MAMDC4: variants seen among roughly 807,000 people sequenced by gnomAD.
The protein encoded by MAMDC4 is MAM domain containing 4.
MAMDC4 carries 168 observed loss-of-function variants against 153.3 expected under a neutral mutation model. The observed-to-expected ratio is 1.10, with a 90% CI of 0.97 to 1.25. The LOEUF is 1.25. Ranked by LOEUF, MAMDC4 falls within the 50% of genes most tolerant of loss-of-function variation. The pLI is 0.00. For synonymous variants in MAMDC4, 744 were observed against 651.5 expected (o/e 1.14, Z -2.16); for missense variants, 1,701 against 1,542.8 (o/e 1.10, Z -1.72).
In MAMDC4 at chr9:136,855,883, C is replaced by T. The variant is rs889454656; in HGVS notation, c.1588+35C>T. 2.6e-5 allele frequency: 38 copies of T among 1,475,682 alleles called. 2 individuals carry two copies. In the African/African-American group the frequency reaches 3.1e-4, roughly 12 times the overall value. 91.4% of individuals were successfully genotyped at this position (1,475,682 alleles called of 1,614,324 possible). On this transcript the variant is annotated intron_variant, in intron 13 of 26. Transcript: ENST00000317446. ...AAGGCCCAAGGCTCAAGCCCCCGCC[C>T]GGGTGTGAGCAGCGTCCTCAGAGGG...
At position 136,855,801 on chromosome 9, in the gene MAMDC4, G is replaced by C; in HGVS notation, c.1541G>C (p.Arg514Pro). Residue 514 changes from arginine to proline, a missense_variant, in exon 13 of 27, where the codon CGG becomes CCG. Physicochemically the swap from Arg to Pro is moderately radical, Grantham distance 103. Coordinates refer to ENST00000317446, the MANE Select transcript of MAMDC4 (RefSeq NM_206920.3). ...GCCAGCGTGGGGCGGCTGCAGTGGC[G>C]GCGTGTCTCAGCCCAGGAGAGCCAG... is the stretch of plus-strand genomic sequence containing the variant. ...EDASVGRLQWRRVSAQESQGS... is the reference protein window; with the variant it reads ...EDASVGRLQWPRVSAQESQGS... The C allele has an allele frequency of 2.6e-6, 4 of 1,545,392 alleles. No homozygotes were observed. The South Asian group carries it at 4.8e-5, about 19-fold the overall frequency.
At chr9:136,854,498 G>A (rs1238499977) in intron 7 of MAMDC4, 41 bp from the exon 8 acceptor site, 2 of 1,576,530 alleles carry the variant, frequency 1.3e-6, no homozygotes, top group South Asian at 1.1e-5. Context: ...GCTTCAGGAA[G>A]CACTGCCTGG....
At chr9:136,858,325 C>G (rs750035225) in intron 21 of MAMDC4, 49 bp downstream of exon 21, 2 of 1,600,282 alleles carry the variant, frequency 1.2e-6, no homozygotes, top group South Asian at 2.2e-5. Context: ...GCCTGCCTAG[C>G]CCTTTCCCTT....
At position 136,858,327 on chromosome 9, in the gene MAMDC4, C is replaced by T. The variant is rs755693423; in HGVS notation, c.2674+51C>T. 8 of 1,600,242 alleles carry T rather than the reference C, an allele frequency of 5.0e-6. No individual in the cohort carries two copies. In the African/African-American group the frequency reaches 8.0e-5, roughly 16 times the overall value. ...CCTGCTCTGGGGTGCCTGCCTAGCC[C>T]TTTCCCTTCGTAGTCGTGGTGCCCA... On this transcript the variant is annotated intron_variant, in intron 21 of 26. Transcript: ENST00000317446.
chr9:136,859,128 T>C lies in MAMDC4; in HGVS notation c.3080T>C (p.Phe1027Ser). The change falls in exon 24 of 27, where the codon TTC becomes TCC. Residue 1027 changes from phenylalanine (F) to serine (S), a missense_variant. Physicochemically the swap from Phe to Ser is radical, Grantham distance 155. Coordinates refer to ENST00000317446, the MANE Select transcript of MAMDC4 (RefSeq NM_206920.3). ...GTGGAGGTAGCCAGTGCCAAGGAGT[T>C]CCAGGTGAGGCTGGCTGTGGGCAAG... is the stretch of plus-strand genomic sequence containing the variant. The part of the protein sequence containing the change: ...AQVEVASAKE[F>S]QIVFEATLGG... 6.4e-7 allele frequency: 1 copy of C among 1,567,820 alleles called. No homozygotes were observed. Among genetic ancestry groups the C allele is most frequent in the Non-Finnish European group, 8.7e-7 (1 of 1,155,934 alleles).
At chr9:136,858,929 C>T in intron 23 of MAMDC4, 76 bp downstream of exon 23, 1 of 1,533,586 alleles carries the variant, frequency 6.5e-7, no homozygotes, top group Non-Finnish European at 8.8e-7. Flanking sequence ...GGGAGGTGGC[C>T]TCCCCAGCCC....
chr9:136,853,363 T>G lies in MAMDC4; in HGVS notation c.233T>G (p.Ile78Ser). Residue 78 changes from isoleucine to serine, a missense_variant, in exon 3 of 27, where the codon ATT becomes AGT. Ile to Ser is a moderately radical substitution (Grantham distance 142). Coordinates refer to ENST00000317446, the MANE Select transcript of MAMDC4 (RefSeq NM_206920.3). The part of the protein sequence containing the change: ...FEQDPCGWRD[I>S]STSGYSWLRD... The stretch of plus-strand genomic sequence containing the variant: ...CAGGACCCCTGCGGCTGGCGGGACA[T>G]TAGTACCTCAGGCTACAGCTGGCTC... The G allele has an allele frequency of 8.7e-6, 14 of 1,607,176 alleles. No individual in the cohort carries two copies. Among genetic ancestry groups the G allele is most frequent in the Non-Finnish European group, 1.2e-5 (14 of 1,175,730 alleles).
intron 26 of MAMDC4, 58 bp from the exon 27 acceptor site, chr9:136,860,502 CAA>C: frequency 1.9e-6 from 3 of 1,549,540 alleles, no homozygotes; most frequent in Non-Finnish European, 2.6e-6. Context: ...TCCTGGTTGA[CAA>C]GAGCGAAACT....
At chr9:136,857,625 C>T (rs1849025852) in intron 18 of MAMDC4, 34 bp from the exon 19 acceptor site, 3 of 1,611,906 alleles carry the variant, frequency 1.9e-6, no homozygotes, top group Non-Finnish European at 2.5e-6. Flanking sequence ...GAGGGGCTGG[C>T]CAGGGGCTGG....
Position 136,854,214 on chromosome 9 carries a change from C to T in MAMDC4, c.674C>T (p.Pro225Leu), listed in dbSNP as rs565967283. 6.8e-6 allele frequency: 11 copies of T among 1,612,246 alleles called. No individual in the cohort carries two copies. Among genetic ancestry groups the T allele is most frequent in the East Asian group, 6.7e-5 (3 of 44,866 alleles). Reference protein sequence around the residue: ...LEFWDCGLPTPQANCPPGHHH... With the variant: ...LEFWDCGLPTLQANCPPGHHH... ...GGGTTAACCCTGCCCCACCCAGCCC[C>T]CCAGGCCAACTGTCCCCCGGGACAC... Residue 225 changes from proline (P) to leucine (L), a missense_variant, in exon 7 of 27, where the codon CCC becomes CTC. Pro to Leu is a moderately conservative substitution (Grantham distance 98, BLOSUM62 -3). Coordinates refer to ENST00000317446, the MANE Select transcript of MAMDC4 (RefSeq NM_206920.3).
chr9:136,856,637 G>A (rs1036352681), intron 14 of MAMDC4, 73 bp from the exon 15 acceptor site: 11 of 1,463,502 alleles, frequency 7.5e-6, no homozygotes, highest in Admixed American at 3.4e-5. Context: ...CAGGGACCCC[G>A]GAGCTTCCAC....
In MAMDC4 at chr9:136,857,387, G is replaced by A. The variant is rs748131697; in HGVS notation, c.2127G>A (p.Arg709=). The change falls in exon 18 of 27, where the codon CGG becomes CGA. Residue 709 remains arginine (R), a synonymous_variant. Coordinates refer to ENST00000317446, the MANE Select transcript of MAMDC4 (RefSeq NM_206920.3). ...CCCAGCTGCTGTTCGAGGGCCTCCG[G>A]GACGGATACCACGGCACCATGGCGC... The part of the protein sequence containing the change: ...AQYQLLFEGL[R]DGYHGTMALD... The A allele has an allele frequency of 1.9e-6, 3 of 1,608,160 alleles. No individual in the cohort carries two copies. Among genetic ancestry groups the A allele is most frequent in the Admixed American group, 3.3e-5 (2 of 60,002 alleles).
rs755279211 is a variant in MAMDC4, at chr9:136,857,428, T to TGCGGCCGG, written c.2171_2178dup (p.Pro727GlyfsTer73). 6.2e-7 allele frequency: 1 copy of TGCGGCCGG among 1,608,248 alleles called. No homozygotes were observed. The highest frequency in any genetic ancestry group is 8.5e-7 in the Non-Finnish European group (1 of 1,179,902). Reference sequence around the variant, plus strand: ...ACCATGGCGCTGGACGATGTGGCCGTGCGGCCGGGCCCCTGCTGGGCCCCT... The same window carrying TGCGGCCGG: ...ACCATGGCGCTGGACGATGTGGCCGTGCGGCCGGGCGGCCGGGCCCCTGCTGGGCCCCT... On this transcript the variant is annotated frameshift_variant, in exon 18 of 27. Coordinates refer to ENST00000317446, the MANE Select transcript of MAMDC4 (RefSeq NM_206920.3). LOFTEE classifies it high-confidence loss of function.
chr9:136,858,363 C>T (rs368319727), intron 21 of MAMDC4, 37 bp from the exon 22 acceptor site: 36 of 1,600,248 alleles, frequency 2.2e-5, no homozygotes, highest in African/African-American at 4.0e-5. Flanking sequence ...GGGCTTGGGC[C>T]GTGGGGCAGC....
At chr9:136,858,881 TGGGCAACGG>T in intron 23 of MAMDC4, 28 bp downstream of exon 23, 1 of 1,592,874 alleles carries the variant, frequency 6.3e-7, no homozygotes, top group Non-Finnish European at 8.5e-7. Flanking sequence ...AATGGGTGCC[TGGGCAACGG>T]GGGCAGCAGG....
At chr9:136,854,363 G>A (rs553040420) in intron 7 of MAMDC4, 27 bp downstream of exon 7, 8 of 1,516,076 alleles carry the variant, frequency 5.3e-6, no homozygotes, top group African/African-American at 4.2e-5. Flanking sequence ...GGCCCAGAGT[G>A]AGGCTGGGAG....
chr9:136,860,748 G>C lies in MAMDC4; in HGVS notation c.*145G>C. ...GAGGCCTGGGCGTTCCCTGCCCTGT[G>C]CTGACTCTGTTGCTCTGTGAATAAA... On this transcript the variant is annotated 3_prime_UTR_variant, in exon 27 of 27. Coordinates refer to ENST00000317446, the MANE Select transcript of MAMDC4 (RefSeq NM_206920.3). 1.2e-6 allele frequency: 1 copy of C among 822,318 alleles called. No individual in the cohort carries two copies. Among genetic ancestry groups the C allele is most frequent in the African/African-American group, 1.7e-5 (1 of 58,022 alleles). 50.9% of individuals were successfully genotyped at this position (822,318 alleles called of 1,614,324 possible). A position where few individuals can be genotyped will look rare whatever the true frequency, so the allele number is the denominator to read the frequency against.
At chr9:136,852,698 G>A (rs1254116345) in intron 1 of MAMDC4, among the ~76,000 whole-genome samples, 2 of 152,308 alleles carry the variant, frequency 1.3e-5, no homozygotes, top group Middle Eastern at 3.4e-3. Context: ...GGGACAAGAG[G>A]GCTCAGGAGG....
At position 136,858,729 on chromosome 9, in the gene MAMDC4, C is replaced by A; in HGVS notation, c.2832C>A (p.Ala944=). 1 of 1,612,098 alleles carries A rather than the reference C, an allele frequency of 6.2e-7. No individual in the cohort carries two copies. Among genetic ancestry groups the A allele is most frequent in the Non-Finnish European group, 8.5e-7 (1 of 1,179,730 alleles). The change falls in exon 23 of 27, where the codon GCC becomes GCA. Residue 944 remains alanine (A), a synonymous_variant. Transcript: ENST00000317446. ...HTLGTEAGHF[A]FFETGVLGPG... is the part of the protein sequence containing the mutation. The stretch of plus-strand genomic sequence containing the variant: ...TCCTCTTGTTCCCAGGCCACTTTGC[C>A]TTCTTTGAAACTGGCGTGCTGGGCC...
Sources: gnomAD v4.1 joint callset for allele counts (sites outside exome capture counted in the v4.1 genomes callset) on GRCh38, gnomAD v4.1.1 for gene constraint, MANE v1.5 for transcripts, NCBI Gene and HGNC (gene_info 2026-07-23, HGNC 2026-07-21) for gene names.